BOK: variants seen among roughly 807,000 people sequenced by gnomAD.
BOK encodes BCL2 family apoptosis regulator BOK, also known as bcl-2-related ovarian killer protein.
Under a neutral mutation model 18.3 loss-of-function variants are expected in BOK, and 20 were observed. That is an observed-to-expected ratio of 1.09 (90% CI 0.77 to 1.59). The LOEUF is 1.59. BOK is among the 40% of genes most tolerant of loss of function. The pLI, the probability that BOK is intolerant of heterozygous loss-of-function variation, is 0.00. For synonymous variants in BOK, 173 were observed against 142.4 expected (o/e 1.21, Z -1.53); for missense variants, 348 against 307.9 (o/e 1.13, Z -0.97).
chr2:241,554,362 T>C (rs1559197013), upstream of BOK, among the ~76,000 whole-genome samples: 3 of 152,136 alleles, frequency 2.0e-5, no homozygotes, highest in Non-Finnish European at 2.9e-5. Context: ...ATGTTGAATG[T>C]GGGCATCACT....
At chr2:241,556,007 G>C (rs1000504861), upstream of BOK, among the ~76,000 whole-genome samples, 4 of 152,172 alleles carry the variant, frequency 2.6e-5, no homozygotes, top group Non-Finnish European at 4.4e-5. Flanking sequence ...GGTACTTCAG[G>C]AACCATGGAG....
chr2:241,566,159 C>CTGTA (rs146946923), intron 3 of BOK, among the ~76,000 whole-genome samples: 24,293 of 151,826 alleles, frequency 0.16, 2,625 homozygotes, highest in Non-Finnish European at 0.24. Context: ...TGGCACATGC[C>CTGTA]TGTAATCTCA....
chr2:241,569,156 G>A (rs559617882), intron 3 of BOK, among the ~76,000 whole-genome samples: 2 of 152,100 alleles, frequency 1.3e-5, no homozygotes, highest in Non-Finnish European at 2.9e-5. Context: ...TTAGAGACGG[G>A]GTCTCGCTCT....
intron 3 of BOK, among the ~76,000 whole-genome samples, chr2:241,563,669 G>A (rs2066566582): frequency 6.6e-6 from 1 of 152,218 alleles, no homozygotes; most frequent in Non-Finnish European, 1.5e-5. Context: ...TGGCCAGTCA[G>A]CTGTGTGACT....
chr2:241,559,269 G>A (rs2066485729), intron 1 of BOK, among the ~76,000 whole-genome samples, 186 bp from the exon 2 acceptor site: 1 of 151,770 alleles, frequency 6.6e-6, no homozygotes, highest in Non-Finnish European at 1.5e-5. Context: ...CTCGGGGAAT[G>A]TCTGTAGCTG....
chr2:241,556,517 G>GA (rs34618674), upstream of BOK, among the ~76,000 whole-genome samples: 75,056 of 149,216 alleles, frequency 0.5, 19,095 homozygotes, highest in Admixed American at 0.6. Context: ...CCAGGAGGCG[G>GA]GGTTGCAGTG....
chr2:241,561,124 TTAA>T (rs2125046420), intron 2 of BOK, among the ~76,000 whole-genome samples: 1 of 152,114 alleles, frequency 6.6e-6, no homozygotes, highest in Non-Finnish European at 1.5e-5. Flanking sequence ...CAGATCTTAA[TTAA>T]TGAGATACAG....
intron 3 of BOK, among the ~76,000 whole-genome samples, chr2:241,569,006 A>T (rs2066661618): frequency 6.6e-6 from 1 of 152,164 alleles, no homozygotes. Context: ...CCCTGCGGGG[A>T]TCACTGCTGG....
chr2:241,565,881 C>A (rs2066602891), intron 3 of BOK, among the ~76,000 whole-genome samples: 1 of 152,196 alleles, frequency 6.6e-6, no homozygotes, highest in Non-Finnish European at 1.5e-5. Context: ...TTTTCCTCCC[C>A]ATTTAAAAGT....
chr2:241,572,060 C>G (rs762476006), intron 4 of BOK, among the ~76,000 whole-genome samples: 4 of 152,248 alleles, frequency 2.6e-5, no homozygotes, highest in Non-Finnish European at 2.9e-5. Context: ...TGGCTGCCAT[C>G]TGTCCCCACC....
At chr2:241,553,451 C>T (rs1055600232) in intron 1 of BOK, among the ~76,000 whole-genome samples, 135 of 152,114 alleles carry the variant, frequency 8.9e-4, no homozygotes, top group African/African-American at 3.2e-3. Flanking sequence ...CGCATCCAGC[C>T]GAGACTGGGT....
chr2:241,561,874 C>T (rs1403934148), intron 2 of BOK, among the ~76,000 whole-genome samples: 1 of 152,226 alleles, frequency 6.6e-6, no homozygotes, highest in Non-Finnish European at 1.5e-5. Flanking sequence ...GCTCTCACCC[C>T]AATGCTTTCT....
At position 241,559,636 on chromosome 2, in the gene BOK, C is replaced by A; in HGVS notation, c.153C>A (p.Ser51Arg). The A allele has an allele frequency of 7.1e-7, 1 of 1,417,556 alleles. No homozygotes were observed. The highest frequency in any genetic ancestry group is 9.1e-7 in the Non-Finnish European group (1 of 1,093,898). The allele number at this position is 1,417,556 out of a possible 1,614,324, so 87.8% of individuals were successfully genotyped here. The stretch of plus-strand genomic sequence containing the variant: ...TGCTGCGCGCCGGCCTCTCCTGGAG[C>A]GCGCCCGAGCGTGCCGCGCCGGTCC... Reference protein sequence around the residue: ...ARLLRAGLSWSAPERAAPVPG... With the variant: ...ARLLRAGLSWRAPERAAPVPG... The change falls in exon 2 of 5, where the codon AGC becomes AGA. Residue 51 changes from serine (S) to arginine (R), a missense_variant. Physicochemically the swap from Ser to Arg is moderately radical, Grantham distance 110. Transcript: ENST00000318407.
intron 4 of BOK, among the ~76,000 whole-genome samples, chr2:241,571,302 C>G: frequency 6.6e-6 from 1 of 152,248 alleles, no homozygotes; most frequent in South Asian, 2.1e-4. Flanking sequence ...CTGCCCTGCT[C>G]CGGCCAGACC....
Position 241,562,158 on chromosome 2 carries a change from G to A in BOK, c.221-190G>A, listed in dbSNP as rs2066534733. Among the ~76,000 whole-genome samples, 2 of 152,234 alleles carry A rather than the reference G, an allele frequency of 1.3e-5. No individual in the cohort carries two copies. Among genetic ancestry groups the A allele is most frequent in the Admixed American group, 1.3e-4 (2 of 15,290 alleles). ...CTTCCTTGGTCTTCTGGTCCCTAGG[G>A]GCCAAGGTTGGGGGATGGCCCAAGG... is the stretch of plus-strand genomic sequence containing the variant. On this transcript the variant is annotated intron_variant, in intron 2 of 4. Coordinates refer to ENST00000318407, the MANE Select transcript of BOK (RefSeq NM_032515.5). The surrounding 1 kb of genome is among the most constrained non-coding windows in gnomAD (Gnocchi z 4.5).
In BOK at chr2:241,567,492, G is replaced by A. The variant is rs920717029; in HGVS notation, c.350-2633G>A. Among the ~76,000 whole-genome samples the A allele has an allele frequency of 3.0e-5, 4 of 135,284 alleles. 1 individual carries two copies. The highest frequency in any genetic ancestry group is 1.2e-4 in the African/African-American group (4 of 34,544). The allele number at this position is 135,284 out of a possible 152,430, so 88.8% of individuals were successfully genotyped here. A position where few individuals can be genotyped will look rare whatever the true frequency, so the allele number is the denominator to read the frequency against. On this transcript the variant is annotated intron_variant, in intron 3 of 4. Transcript: ENST00000318407. Reference sequence around the variant, plus strand: ...GGTTGTCCCGCAAGCCACACGCAGTGCTGACATCAGGCTCCGCTCCCCGCA... The same window carrying A: ...GGTTGTCCCGCAAGCCACACGCAGTACTGACATCAGGCTCCGCTCCCCGCA...
chr2:241,559,361 C>T, intron 1 of BOK, 94 bp from the exon 2 acceptor site: 4 of 709,566 alleles, frequency 5.6e-6, no homozygotes, highest in East Asian at 3.7e-5. Flanking sequence ...GCGCCGGCTA[C>T]GGCCCTTCCC....
In BOK at chr2:241,567,900, A is replaced by G. The variant is rs939891155; in HGVS notation, c.350-2225A>G. On this transcript the variant is annotated intron_variant, in intron 3 of 4. Coordinates refer to ENST00000318407, the MANE Select transcript of BOK (RefSeq NM_032515.5). ...CAGCTACTAGTCTCAGGAGGTCTTT[A>G]TCACCCCAGAATGCCTGTGCCCGTG... Among the ~76,000 whole-genome samples the G allele has an allele frequency of 5.3e-4, 41 of 77,398 alleles. 11 individuals carry two copies. Among genetic ancestry groups the G allele is most frequent in the Admixed American group, 2.4e-3 (19 of 7,962 alleles). The allele number at this position is 77,398 out of a possible 152,430, so 50.8% of individuals were successfully genotyped here.
intron 3 of BOK, among the ~76,000 whole-genome samples, chr2:241,565,051 G>A (rs2066589832): frequency 6.6e-6 from 1 of 152,148 alleles, no homozygotes; most frequent in Admixed American, 6.5e-5. Flanking sequence ...GGAAGGGGAT[G>A]GCTGGACGAG....
Sources: allele counts gnomAD v4.1 joint callset (sites outside exome capture counted in the v4.1 genomes callset), GRCh38; gene constraint gnomAD v4.1.1; non-coding constraint Gnocchi (gnomAD v3.1); transcripts MANE v1.5; gene names NCBI Gene and HGNC (gene_info 2026-07-23, HGNC 2026-07-21).